The following KCNQ1OT1 variants were observed in gnomAD, a reference collection of about 807,000 sequenced individuals.
KCNQ1OT1 encodes the protein KCNQ1 antisense RNA 2 (non-protein coding).
rs1850460435 is a variant in KCNQ1OT1, at chr11:2,685,057, T to C, written n.14938A>G. On this transcript the variant is annotated non_coding_transcript_exon_variant, in exon 1 of 1. Coordinates refer to ENST00000597346, the Ensembl canonical transcript of KCNQ1OT1. Reference sequence around the variant, plus strand: ...GAGCACATTTCCTGGATTTAAAATGTATGGGACAGCCTGTGAGAATTACAG... The same window carrying C: ...GAGCACATTTCCTGGATTTAAAATGCATGGGACAGCCTGTGAGAATTACAG... The C allele has an allele frequency of 7.5e-6, 3 of 398,560 alleles. No individual in the cohort carries two copies. In the South Asian group the frequency reaches 3.8e-4, roughly 51 times the overall value. The allele number at this position is 398,560 out of a possible 1,614,324, so 24.7% of individuals were successfully genotyped here.
Position 2,691,074 on chromosome 11 carries a change from G to A in KCNQ1OT1, n.8921C>T, listed in dbSNP as rs1336022009. ...TGAGGGAAATAATGGAGGCACCTTT[G>A]TTCTAGATGCCTGCAGATTCCTGAC... is the stretch of plus-strand genomic sequence containing the variant. On this transcript the variant is annotated non_coding_transcript_exon_variant, in exon 1 of 1. Coordinates refer to ENST00000597346, the Ensembl canonical transcript of KCNQ1OT1. This position sits in a 1 kb window ranked among gnomAD's most constrained non-coding sequence, Gnocchi z 6.4. 1 of 398,564 alleles carries A rather than the reference G, an allele frequency of 2.5e-6. No individual in the cohort carries two copies. The highest frequency in any genetic ancestry group is 4.4e-6 in the Non-Finnish European group (1 of 226,116). 24.7% of individuals were successfully genotyped at this position (398,564 alleles called of 1,614,324 possible).
chr11:2,667,172 C>CCT, exon 1 of KCNQ1OT1: 1 of 398,682 alleles, frequency 2.5e-6, no homozygotes, highest in Admixed American at 4.4e-5. Flanking sequence ...TGGCTTCCAG[C>CCT]CTGCCATCAG....
chr11:2,650,180 T>C (rs1412648911), exon 1 of KCNQ1OT1: 5 of 398,480 alleles, frequency 1.3e-5, no homozygotes, highest in Middle Eastern at 1.2e-3. Flanking sequence ...CCCATTTAGA[T>C]AATGAATTGT....
Position 2,627,862 on chromosome 11 carries a change from T to C in KCNQ1OT1, n.72133A>G. On this transcript the variant is annotated non_coding_transcript_exon_variant, in exon 1 of 1. Transcript: ENST00000597346. The surrounding 1 kb of genome is among the most constrained non-coding windows in gnomAD (Gnocchi z 4.9). The stretch of plus-strand genomic sequence containing the variant: ...ACCTCATGGGCTCAAGTGATCCTCC[T>C]GCCTCAGCCTCCTGAGTAGCTGGGA... 2.5e-6 allele frequency: 1 copy of C among 398,730 alleles called. No individual in the cohort carries two copies. The highest frequency in any genetic ancestry group is 4.4e-6 in the Non-Finnish European group (1 of 226,204). The allele number at this position is 398,730 out of a possible 1,614,324, so 24.7% of individuals were successfully genotyped here. A position where few individuals can be genotyped will look rare whatever the true frequency, so the allele number is the denominator to read the frequency against.
Position 2,673,297 on chromosome 11 carries a change from G to C in KCNQ1OT1, n.26698C>G. 1 of 398,768 alleles carries C rather than the reference G, an allele frequency of 2.5e-6. No individual in the cohort carries two copies. The highest frequency in any genetic ancestry group is 4.4e-6 in the Non-Finnish European group (1 of 226,146). 24.7% of individuals were successfully genotyped at this position (398,768 alleles called of 1,614,324 possible). On this transcript the variant is annotated non_coding_transcript_exon_variant, in exon 1 of 1. Transcript: ENST00000597346. The surrounding 1 kb of genome is among the most constrained non-coding windows in gnomAD (Gnocchi z 4.5). ...CCTTCTCCCCTAGAAGAAATCTTGA[G>C]AGAAACAATCCCACAGGCTACCAGG...
rs1348801218 is a variant in KCNQ1OT1, at chr11:2,698,910, C to A, written n.1085G>T. 3 of 398,662 alleles carry A rather than the reference C, an allele frequency of 7.5e-6. No individual in the cohort carries two copies. Among genetic ancestry groups the A allele is most frequent in the Non-Finnish European group, 1.3e-5 (3 of 226,190 alleles). 24.7% of individuals were successfully genotyped at this position (398,662 alleles called of 1,614,324 possible). On this transcript the variant is annotated non_coding_transcript_exon_variant, in exon 1 of 1. Transcript: ENST00000597346. The surrounding 1 kb of genome is among the most constrained non-coding windows in gnomAD (Gnocchi z 5.1). ...ATCCCAACTCAGGCAAACTCCCAGC[C>A]AGGATGTGGACCCTAGACCCGAATT...
At chr11:2,675,532 A>G (rs950596755) in exon 1 of KCNQ1OT1, 3 of 398,568 alleles carry the variant, frequency 7.5e-6, no homozygotes, top group Non-Finnish European at 1.3e-5. Context: ...TTCTTCCAGA[A>G]TCACTCCACT....
Position 2,661,900 on chromosome 11 carries a change from T to C in KCNQ1OT1, n.38095A>G. 1 of 1,611,258 alleles carries C rather than the reference T, an allele frequency of 6.2e-7. No individual in the cohort carries two copies. Among genetic ancestry groups the C allele is most frequent in the Middle Eastern group, 1.7e-4 (1 of 6,058 alleles). On this transcript the variant is annotated non_coding_transcript_exon_variant, in exon 1 of 1. Coordinates refer to ENST00000597346, the Ensembl canonical transcript of KCNQ1OT1. The surrounding 1 kb of genome is among the most constrained non-coding windows in gnomAD (Gnocchi z 5.9). The stretch of plus-strand genomic sequence containing the variant: ...GGCCCTGGGAGCTCACAGGCCTGGC[T>C]CCACAGCACTGGCAGGTTGGGTGGG...
exon 1 of KCNQ1OT1, chr11:2,675,789 C>A: frequency 5.0e-6 from 2 of 398,722 alleles, no homozygotes; most frequent in South Asian, 2.5e-4. Context: ...CTGCTGCCCG[C>A]AGGGCATACC....
chr11:2,609,356 CT>C (rs1367407554), exon 1 of KCNQ1OT1: 2 of 398,280 alleles, frequency 5.0e-6, no homozygotes, highest in Non-Finnish European at 8.9e-6. Context: ...CTGAGTTCTA[CT>C]TTTATTTCAT....
In KCNQ1OT1 at chr11:2,668,131, C is replaced by G. The variant is rs954352957; in HGVS notation, n.31864G>C. ...CTCAATTTGATGTCTGGCAGCCTCT[C>G]TATGGGGCTGAAGGGAGAGTGCTCC... On this transcript the variant is annotated non_coding_transcript_exon_variant, in exon 1 of 1. Coordinates refer to ENST00000597346, the Ensembl canonical transcript of KCNQ1OT1. The surrounding 1 kb of genome is among the most constrained non-coding windows in gnomAD (Gnocchi z 4.3). 1.3e-5 allele frequency: 5 copies of G among 398,660 alleles called. No individual in the cohort carries two copies. The highest frequency in any genetic ancestry group is 6.3e-4 in the Middle Eastern group (1 of 1,588). The allele number at this position is 398,660 out of a possible 1,614,324, so 24.7% of individuals were successfully genotyped here.
chr11:2,676,764 C>A lies in KCNQ1OT1; in HGVS notation n.23231G>T. The A allele has an allele frequency of 5.0e-6, 2 of 398,588 alleles. No individual in the cohort carries two copies. The highest frequency in any genetic ancestry group is 8.8e-6 in the Non-Finnish European group (2 of 226,070). 24.7% of individuals were successfully genotyped at this position (398,588 alleles called of 1,614,324 possible). A position where few individuals can be genotyped will look rare whatever the true frequency, so the allele number is the denominator to read the frequency against. ...TACGATGGTCTGCTGTATGAAGCAA[C>A]CCTAGGACATTTGAAGAGAATGGAG... is the stretch of plus-strand genomic sequence containing the variant. On this transcript the variant is annotated non_coding_transcript_exon_variant, in exon 1 of 1. Transcript: ENST00000597346. This position sits in a 1 kb window ranked among gnomAD's most constrained non-coding sequence, Gnocchi z 4.2.
chr11:2,688,340 G>T (rs1044955622), exon 1 of KCNQ1OT1: 7 of 398,668 alleles, frequency 1.8e-5, no homozygotes, highest in Middle Eastern at 6.2e-4. Context: ...TTCCATGGGG[G>T]TCTTCCTCTC....
exon 1 of KCNQ1OT1, chr11:2,680,691 C>T (rs897826748): frequency 2.5e-6 from 1 of 398,532 alleles, no homozygotes; most frequent in South Asian, 1.3e-4. Context: ...AAGAATCCCT[C>T]ATGTCCCCCT....
At position 2,620,489 on chromosome 11, in the gene KCNQ1OT1, T is replaced by C; in HGVS notation, n.79506A>G. Reference sequence around the variant, plus strand: ...CCTTGGCCTCCCAAAGTGCTGGGATTACAGGTGAGAGCTACCGCACCTGGC... The same window carrying C: ...CCTTGGCCTCCCAAAGTGCTGGGATCACAGGTGAGAGCTACCGCACCTGGC... On this transcript the variant is annotated non_coding_transcript_exon_variant, in exon 1 of 1. Transcript: ENST00000597346. The surrounding 1 kb of genome is among the most constrained non-coding windows in gnomAD (Gnocchi z 4.5). 2 of 356,852 alleles carry C rather than the reference T, an allele frequency of 5.6e-6. No homozygotes were observed. Among genetic ancestry groups the C allele is most frequent in the Non-Finnish European group, 1.0e-5 (2 of 200,818 alleles). The allele number at this position is 356,852 out of a possible 1,614,324, so 22.1% of individuals were successfully genotyped here. A position where few individuals can be genotyped will look rare whatever the true frequency, so the allele number is the denominator to read the frequency against.
chr11:2,664,707 G>T lies in KCNQ1OT1; in HGVS notation n.35288C>A. 1 of 398,762 alleles carries T rather than the reference G, an allele frequency of 2.5e-6. No individual in the cohort carries two copies. Among genetic ancestry groups the T allele is most frequent in the Non-Finnish European group, 4.4e-6 (1 of 226,166 alleles). 24.7% of individuals were successfully genotyped at this position (398,762 alleles called of 1,614,324 possible). ...GGCCCCATGGACCCTGAACTGGGAAGAGAGGCACACGCCCTGGTGTGTGTG... is the reference window on the plus strand; with the variant it reads ...GGCCCCATGGACCCTGAACTGGGAATAGAGGCACACGCCCTGGTGTGTGTG... On this transcript the variant is annotated non_coding_transcript_exon_variant, in exon 1 of 1. Transcript: ENST00000597346. This position sits in a 1 kb window ranked among gnomAD's most constrained non-coding sequence, Gnocchi z 5.1.
chr11:2,678,793 G>C lies in KCNQ1OT1; in HGVS notation n.21202C>G. The C allele has an allele frequency of 2.5e-6, 1 of 398,608 alleles. No homozygotes were observed. Among genetic ancestry groups the C allele is most frequent in the Non-Finnish European group, 4.4e-6 (1 of 226,068 alleles). The allele number at this position is 398,608 out of a possible 1,614,324, so 24.7% of individuals were successfully genotyped here. On this transcript the variant is annotated non_coding_transcript_exon_variant, in exon 1 of 1. Transcript: ENST00000597346. The surrounding 1 kb of genome is among the most constrained non-coding windows in gnomAD (Gnocchi z 4.9). ...TTCATCGTGGCAGCTAATAATGTCAGGGAGCATGAGCACTTGTTTCTTCCA... is the reference window on the plus strand; with the variant it reads ...TTCATCGTGGCAGCTAATAATGTCACGGAGCATGAGCACTTGTTTCTTCCA...
In KCNQ1OT1 at chr11:2,611,003, A is replaced by T. The variant is rs553185190; in HGVS notation, n.88992T>A. On this transcript the variant is annotated non_coding_transcript_exon_variant, in exon 1 of 1. Coordinates refer to ENST00000597346, the Ensembl canonical transcript of KCNQ1OT1. This position sits in a 1 kb window ranked among gnomAD's most constrained non-coding sequence, Gnocchi z 5.3. ...TACTATTATTGTTGAGTTGTCTATT[A>T]TTGTTCAGTTGTCTGTTTCTCTCTT... 1.6e-3 allele frequency: 625 copies of T among 398,332 alleles called. 3 individuals carry two copies. Among genetic ancestry groups the T allele is most frequent in the South Asian group, 3.6e-3 (28 of 7,850 alleles). 24.7% of individuals were successfully genotyped at this position (398,332 alleles called of 1,614,324 possible). A position where few individuals can be genotyped will look rare whatever the true frequency, so the allele number is the denominator to read the frequency against.
exon 1 of KCNQ1OT1, chr11:2,699,505 G>GGAGCCCCCAGGAGAGTGCC: frequency 1.1e-5 from 2 of 180,368 alleles, no homozygotes; most frequent in Non-Finnish European, 1.8e-5. Flanking sequence ...GCCGCGCTGA[G>GGAGCCCCCAGGAGAGTGCC]GAGCCCCCAG....
Sources: gnomAD v4.1 joint callset for allele counts on GRCh38, gnomAD v4.1.1 for gene constraint, Gnocchi (gnomAD v3.1) non-coding constraint, MANE v1.5 for transcripts, NCBI Gene and HGNC (gene_info 2026-07-23, HGNC 2026-07-21) for gene names.